ABCA5: variants seen among roughly 807,000 people sequenced by gnomAD.
ABCA5 encodes ATP binding cassette subfamily A member 5.
A neutral mutation model predicts 206.0 loss-of-function variants in ABCA5; 163 were observed. That is an observed-to-expected ratio of 0.79 (90% CI 0.70 to 0.90). ABCA5 has a LOEUF of 0.90. Among genes scored for constraint, ABCA5 ranks in the 40% least tolerant of loss-of-function variants. The pLI is 0.00. For missense variants in ABCA5, 1,859 were observed against 1,912.9 expected, an observed-to-expected ratio of 0.97 and a Z score of 0.53; for synonymous variants, 609 against 613.8, an observed-to-expected ratio of 0.99 and a Z score of 0.11.
intron 38 of ABCA5, among the ~76,000 whole-genome samples, 185 bp downstream of exon 38, chr17:69,248,077 A>G (rs893545096): frequency 6.6e-5 from 10 of 152,140 alleles, no homozygotes; most frequent in Admixed American, 6.5e-5. Context: ...AATTTAAAAA[A>G]TAAAATTTAA....
At chr17:69,290,979 T>A (rs967369913) in intron 12 of ABCA5, among the ~76,000 whole-genome samples, 6 of 152,170 alleles carry the variant, frequency 3.9e-5, no homozygotes, top group African/African-American at 1.2e-4. Context: ...AACACATACA[T>A]ACACATCTAC....
At chr17:69,323,900 A>G (rs991072227) in intron 1 of ABCA5, among the ~76,000 whole-genome samples, 2 of 152,198 alleles carry the variant, frequency 1.3e-5, no homozygotes, top group African/African-American at 4.8e-5. Flanking sequence ...TAATAATAAT[A>G]TCTTGTGACA....
At chr17:69,265,962 C>A (rs921359123) in intron 23 of ABCA5, among the ~76,000 whole-genome samples, 10 of 152,124 alleles carry the variant, frequency 6.6e-5, no homozygotes, top group African/African-American at 2.4e-4. Flanking sequence ...GATGTTTACA[C>A]AAAACCTGTA....
In ABCA5 at chr17:69,306,728, A is replaced by G. The variant is rs754428546; in HGVS notation, c.785T>C (p.Phe262Ser). Reference protein sequence around the residue: ...LKIMGLHDTAFWLSWVLLYTS... With the variant: ...LKIMGLHDTASWLSWVLLYTS... ...TAATAAATTTTTAATAACATACCAA[A>G]AGGCAGTATCATGAAGTCCCATTAT... Residue 262 changes from phenylalanine to serine, a missense_variant, in exon 6 of 39, where the codon TTT becomes TCT. By Grantham distance (155) the Phe-to-Ser change is radical (BLOSUM62 -2). Transcript: ENST00000392676. The G allele has an allele frequency of 9.8e-5, 135 of 1,379,014 alleles. No individual in the cohort carries two copies. Among genetic ancestry groups the G allele is most frequent in the Non-Finnish European group, 1.2e-4 (128 of 1,040,808 alleles). 85.4% of individuals were successfully genotyped at this position (1,379,014 alleles called of 1,614,324 possible).
intron 14 of ABCA5, 121 bp from the exon 15 acceptor site, chr17:69,287,872 G>T (rs2075477124): frequency 1.1e-6 from 1 of 951,178 alleles, no homozygotes. Flanking sequence ...AAATATATTA[G>T]ATCAGATTTT....
intron 18 of ABCA5, among the ~76,000 whole-genome samples, chr17:69,280,727 C>T (rs1171418394): frequency 1.3e-5 from 2 of 150,928 alleles, no homozygotes; most frequent in South Asian, 2.1e-4. Flanking sequence ...AGTTCATGTC[C>T]TTTGTAGGGA....
rs768850237 is a variant in ABCA5 at position 69,249,910 on chromosome 17, T to C, written c.4760A>G (p.Glu1587Gly). The C allele has an allele frequency of 2.0e-5, 31 of 1,559,294 alleles. No individual in the cohort carries two copies. The South Asian group carries it at 3.8e-4, about 19-fold the overall frequency. Residue 1587 changes from glutamate (E) to glycine (G), a missense_variant, in exon 37 of 39, where the codon GAA becomes GGA. By Grantham distance (98) the Glu-to-Gly change is moderately conservative. Transcript: ENST00000392676. ...QSLSQSFFKLEEAKHAFAIEE... is the reference protein window; with the variant it reads ...QSLSQSFFKLGEAKHAFAIEE... ...AAATAGAAGATACTACTTACCTTCT[T>C]CCAGCTTAAAAAAAGATTGTGAAAG...
chr17:69,298,436 T>C (rs1480472616), intron 9 of ABCA5, among the ~76,000 whole-genome samples: 3 of 152,136 alleles, frequency 2.0e-5, no homozygotes, highest in Non-Finnish European at 4.4e-5. Context: ...CCTACACTCC[T>C]CATTTTTTTC....
chr17:69,250,672 G>C, intron 35 of ABCA5, 51 bp from the exon 36 acceptor site: 1 of 1,369,458 alleles, frequency 7.3e-7, no homozygotes. Flanking sequence ...CAGCTTCAAA[G>C]AATAATCTCT....
At position 69,302,696 on chromosome 17, in the gene ABCA5, G is replaced by C. The variant is rs112240863; in HGVS notation, c.1119+22C>G. The stretch of plus-strand genomic sequence containing the variant: ...AACAGAAAGAAAATATTTAGTGAAT[G>C]CAAGATTAATATATTACCTACCTGT... On this transcript the variant is annotated intron_variant, in intron 8 of 38. Coordinates refer to ENST00000392676, the MANE Select transcript of ABCA5 (RefSeq NM_172232.4). 4.9e-6 allele frequency: 7 copies of C among 1,420,774 alleles called. No homozygotes were observed. The African/African-American group carries it at 7.3e-5, about 15-fold the overall frequency. The allele number at this position is 1,420,774 out of a possible 1,614,324, so 88.0% of individuals were successfully genotyped here.
intron 6 of ABCA5, 105 bp from the exon 7 acceptor site, chr17:69,304,915 A>C: frequency 9.3e-7 from 1 of 1,073,072 alleles, no homozygotes; most frequent in Non-Finnish European, 1.3e-6. Context: ...TATTCTTAAA[A>C]TTAAGTCACT....
chr17:69,253,487 A>T, intron 34 of ABCA5, 86 bp downstream of exon 34: 1 of 787,016 alleles, frequency 1.3e-6, no homozygotes, highest in Non-Finnish European at 2.0e-6. Flanking sequence ...ATCAAGATGT[A>T]CATATAACTA....
intron 28 of ABCA5, among the ~76,000 whole-genome samples, chr17:69,256,804 AATTC>A (rs2075088514): frequency 6.6e-6 from 1 of 152,080 alleles, no homozygotes; most frequent in South Asian, 2.1e-4. Flanking sequence ...ATATTATCTA[AATTC>A]ATTCATTTAT....
intron 18 of ABCA5, among the ~76,000 whole-genome samples, chr17:69,283,095 T>C (rs1384618928): frequency 6.8e-6 from 1 of 146,930 alleles, no homozygotes. Context: ...CAGGTGATTC[T>C]CCCACCGCAG....
chr17:69,280,132 C>T (rs368793866), intron 18 of ABCA5, among the ~76,000 whole-genome samples: 1 of 151,984 alleles, frequency 6.6e-6, no homozygotes, highest in African/African-American at 2.4e-5. Context: ...GCAACCTACT[C>T]ATCTGACAAA....
chr17:69,251,897 G>A, intron 34 of ABCA5, 31 bp from the exon 35 acceptor site: 1 of 1,599,282 alleles, frequency 6.3e-7, no homozygotes, highest in Non-Finnish European at 8.5e-7. Flanking sequence ...AAAAAGAGAG[G>A]AACACATCTG....
intron 1 of ABCA5, among the ~76,000 whole-genome samples, chr17:69,316,623 T>C (rs1454160800): frequency 6.8e-6 from 1 of 148,098 alleles, no homozygotes; most frequent in South Asian, 2.1e-4. Flanking sequence ...AAAGACTTAA[T>C]GGCTGAAAAC....
intron 24 of ABCA5, among the ~76,000 whole-genome samples, chr17:69,264,076 A>C (rs1298701197): frequency 1.3e-5 from 2 of 152,110 alleles, no homozygotes; most frequent in Non-Finnish European, 2.9e-5. Context: ...TTCTGTGATG[A>C]ATAATGTTGG....
At chr17:69,275,158 C>T (rs904528307) in intron 19 of ABCA5, among the ~76,000 whole-genome samples, 7 of 151,930 alleles carry the variant, frequency 4.6e-5, no homozygotes, top group African/African-American at 1.7e-4. Flanking sequence ...TTACTTTTCA[C>T]GTAACAAGAA....
Sources: allele counts gnomAD v4.1 joint callset (sites outside exome capture counted in the v4.1 genomes callset), GRCh38; gene constraint gnomAD v4.1.1; transcripts MANE v1.5; gene names NCBI Gene and HGNC (gene_info 2026-07-23, HGNC 2026-07-21).